Variants in PRKAG2 observed in about 807,000 individuals in gnomAD.
The protein encoded by PRKAG2 is protein kinase AMP-activated non-catalytic subunit gamma 2.
Under a neutral mutation model 69.6 loss-of-function variants are expected in PRKAG2, and 26 were observed. The ratio of observed to expected loss-of-function variants is 0.37; its 90% CI spans 0.27 to 0.52. The LOEUF (loss-of-function observed/expected upper bound fraction) is 0.52, where lower values mean the gene tolerates loss of function less well. Among genes scored for constraint, PRKAG2 ranks in the 20% least tolerant of loss-of-function variants. The pLI, the probability that PRKAG2 is intolerant of heterozygous loss-of-function variation, is 0.90. For missense variants in PRKAG2, 557 were observed against 740.0 expected, an observed-to-expected ratio of 0.75 and a Z score of 2.87; for synonymous variants, 293 against 285.0, an observed-to-expected ratio of 1.03 and a Z score of -0.28.
chr7:151,832,651 C>G (rs1275080681), intron 1 of PRKAG2, among the ~76,000 whole-genome samples: 1 of 151,868 alleles, frequency 6.6e-6, no homozygotes, highest in South Asian at 2.1e-4. Flanking sequence ...GTGAGCCCCC[C>G]GTGCCTGCAA....
At position 151,783,268 on chromosome 7, in the gene PRKAG2, G is replaced by A. The variant is rs1339662666; in HGVS notation, c.187-1837C>T. On this transcript the variant is annotated intron_variant, in intron 2 of 15. Coordinates refer to ENST00000287878, the MANE Select transcript of PRKAG2 (RefSeq NM_016203.4). The stretch of plus-strand genomic sequence containing the variant: ...GCGGACACCTTCGTGAGTGGGCCCG[G>A]CAGGAAGAAGAGTGTGGTGCTATAG... Among the ~76,000 whole-genome samples the A allele has an allele frequency of 2.6e-5, 4 of 152,384 alleles. No homozygotes were observed. In the East Asian group the frequency reaches 7.7e-4, roughly 29 times the overall value.
intron 1 of PRKAG2, chr7:151,806,950 A>G (rs2078139151): frequency 2.2e-6 from 1 of 452,586 alleles, no homozygotes; most frequent in Non-Finnish European, 4.4e-6. Context: ...TGGGGAAAAA[A>G]AAAAGCCAGG....
intron 5 of PRKAG2, among the ~76,000 whole-genome samples, chr7:151,610,628 T>C (rs892321351): frequency 8.2e-6 from 1 of 122,326 alleles, no homozygotes; most frequent in African/African-American, 3.1e-5. Context: ...AGTGAACTGA[T>C]ATCGCGCCAC....
In PRKAG2 at chr7:151,759,225, C is replaced by T. The variant is rs557069999; in HGVS notation, c.466+21927G>A. On this transcript the variant is annotated intron_variant, in intron 3 of 15. Transcript: ENST00000287878. ...ACATTTGCATCGTGGGCCCCTCCGC[C>T]AGGCGTGCCATGGCCTCCACCTGTC... Among the ~76,000 whole-genome samples the T allele has an allele frequency of 3.3e-5, 5 of 152,312 alleles. No individual in the cohort carries two copies. The South Asian group carries it at 6.2e-4, about 19-fold the overall frequency.
chr7:151,750,331 C>G (rs1371821424), intron 3 of PRKAG2, among the ~76,000 whole-genome samples: 1 of 152,122 alleles, frequency 6.6e-6, no homozygotes, highest in Non-Finnish European at 1.5e-5. Context: ...GCTCTATTCA[C>G]AAAAGGTGGA....
chr7:151,678,209 T>C (rs1833260886), intron 3 of PRKAG2, among the ~76,000 whole-genome samples: 1 of 152,174 alleles, frequency 6.6e-6, no homozygotes, highest in Non-Finnish European at 1.5e-5. Context: ...ACAAACTGTT[T>C]AACGTTCAAA....
intron 1 of PRKAG2, among the ~76,000 whole-genome samples, chr7:151,874,083 A>C: frequency 6.8e-6 from 1 of 146,404 alleles, no homozygotes. Context: ...GTATATGTAT[A>C]TGTATATGAT....
intron 4 of PRKAG2, among the ~76,000 whole-genome samples, chr7:151,661,578 A>G (rs1253110243): frequency 6.6e-6 from 1 of 152,234 alleles, no homozygotes; most frequent in Non-Finnish European, 1.5e-5. Context: ...TTAAAAAAAT[A>G]AAATATACCT....
In PRKAG2 at chr7:151,699,856, C is replaced by A. The variant is rs1837370357; in HGVS notation, c.467-24219G>T. On this transcript the variant is annotated intron_variant, in intron 3 of 15. Transcript: ENST00000287878. The surrounding 1 kb of genome is among the most constrained non-coding windows in gnomAD (Gnocchi z 4.5). The stretch of plus-strand genomic sequence containing the variant: ...GATATAGGCTGGTCTTTAAGAAGGA[C>A]TGGGACTAAGATAAACTGGGGTACA... Among the ~76,000 whole-genome samples, 1 of 152,106 alleles carries A rather than the reference C, an allele frequency of 6.6e-6. No homozygotes were observed. Among genetic ancestry groups the A allele is most frequent in the African/African-American group, 2.4e-5 (1 of 41,418 alleles).
chr7:151,714,954 AAATAATAAATAAG>A (rs1795923796), intron 3 of PRKAG2, among the ~76,000 whole-genome samples: 1 of 151,654 alleles, frequency 6.6e-6, no homozygotes, highest in African/African-American at 2.4e-5. Flanking sequence ...CATCTCAAAA[AAATAATAAATAAG>A]AAAAAATAAA....
chr7:151,789,505 A>G (rs2077169888), intron 1 of PRKAG2, among the ~76,000 whole-genome samples: 1 of 152,180 alleles, frequency 6.6e-6, no homozygotes, highest in Admixed American at 6.5e-5. Flanking sequence ...TCTGTGCTCC[A>G]AGTCTCTGCT....
At chr7:151,743,567 G>A (rs1424728326) in intron 3 of PRKAG2, among the ~76,000 whole-genome samples, 1 of 152,212 alleles carries the variant, frequency 6.6e-6, no homozygotes, top group Non-Finnish European at 1.5e-5. Context: ...ATTTCATACT[G>A]TTAGCATGCT....
In PRKAG2 at chr7:151,632,678, C is replaced by T. The variant is rs1195704290; in HGVS notation, c.685-540G>A. On this transcript the variant is annotated intron_variant, in intron 4 of 15. Coordinates refer to ENST00000287878, the MANE Select transcript of PRKAG2 (RefSeq NM_016203.4). This position sits in a 1 kb window ranked among gnomAD's most constrained non-coding sequence, Gnocchi z 4.2. The stretch of plus-strand genomic sequence containing the variant: ...GGAGGCTGCAGAACGCCCCGGGGCG[C>T]CAGCTAGGGGATCCTTTCTCGCTTT... 1.5e-5 allele frequency: 13 copies of T among 843,514 alleles called. No individual in the cohort carries two copies. Among genetic ancestry groups the T allele is most frequent in the African/African-American group, 1.8e-5 (1 of 54,554 alleles). 52.3% of individuals were successfully genotyped at this position (843,514 alleles called of 1,614,324 possible).
chr7:151,832,711 T>G (rs769979263), intron 1 of PRKAG2, among the ~76,000 whole-genome samples: 1 of 151,668 alleles, frequency 6.6e-6, no homozygotes. Flanking sequence ...TCGGGTACTC[T>G]CCAGGTGCTA....
chr7:151,729,993 T>A (rs996388318), intron 3 of PRKAG2, among the ~76,000 whole-genome samples: 2 of 152,098 alleles, frequency 1.3e-5, no homozygotes, highest in Non-Finnish European at 2.9e-5. Flanking sequence ...TCGTAGAAAG[T>A]AGAATGGTGT....
chr7:151,808,593 G>A (rs1317921868), intron 1 of PRKAG2, among the ~76,000 whole-genome samples: 1 of 151,346 alleles, frequency 6.6e-6, no homozygotes, highest in African/African-American at 2.4e-5. Flanking sequence ...GCAGGTTGTT[G>A]GGGGGGCTTG....
intron 3 of PRKAG2, among the ~76,000 whole-genome samples, chr7:151,743,253 C>G (rs1003426616): frequency 4.6e-5 from 7 of 152,166 alleles, no homozygotes; most frequent in African/African-American, 1.7e-4. Flanking sequence ...CTTTTTGGAT[C>G]ACAGTTTAAA....
chr7:151,838,518 G>C (rs2079195347), intron 1 of PRKAG2, among the ~76,000 whole-genome samples: 1 of 151,648 alleles, frequency 6.6e-6, no homozygotes, highest in Non-Finnish European at 1.5e-5. Context: ...GATCACCCTG[G>C]GCAACATGGT....
chr7:151,726,896 G>A (rs1032431916), intron 3 of PRKAG2, among the ~76,000 whole-genome samples: 2 of 152,136 alleles, frequency 1.3e-5, no homozygotes, highest in African/African-American at 2.4e-5. Flanking sequence ...TTAGAAGTTA[G>A]CACAGCATTG....
Sources: gnomAD v4.1 joint callset for allele counts (sites outside exome capture counted in the v4.1 genomes callset) on GRCh38, gnomAD v4.1.1 for gene constraint, Gnocchi (gnomAD v3.1) non-coding constraint, MANE v1.5 for transcripts, NCBI Gene and HGNC (gene_info 2026-07-23, HGNC 2026-07-21) for gene names.